ADGRL2: variants seen among roughly 807,000 people sequenced by gnomAD.
ADGRL2 encodes calcium-independent alpha-latrotoxin receptor 2.
In ADGRL2, 44 loss-of-function variants were observed where a neutral mutation model predicts 157.4. The ratio of observed to expected loss-of-function variants is 0.28; its 90% CI spans 0.22 to 0.36. The LOEUF (loss-of-function observed/expected upper bound fraction) is 0.36, where lower values mean the gene tolerates loss of function less well. Among genes scored for constraint, ADGRL2 ranks in the 10% least tolerant of loss-of-function variants. ADGRL2 has a pLI of 1.00. For synonymous variants in ADGRL2, 585 were observed against 624.7 expected, an observed-to-expected ratio of 0.94 and a Z score of 0.95; for missense variants, 1,510 against 1,768.9, an observed-to-expected ratio of 0.85 and a Z score of 2.63.
intron 1 of ADGRL2, among the ~76,000 whole-genome samples, chr1:81,817,477 C>A (rs2090529961): frequency 6.6e-6 from 1 of 151,810 alleles, no homozygotes; most frequent in East Asian, 1.9e-4. Context: ...AAATAATACA[C>A]ATTTTTTTAA....
At chr1:81,630,509 T>C (rs1222133943) in intron 3 of ADGRL2, among the ~76,000 whole-genome samples, 1 of 152,168 alleles carries the variant, frequency 6.6e-6, no homozygotes, top group African/African-American at 2.4e-5. Flanking sequence ...ATACATATGA[T>C]AGAAGCCTTT....
intron 3 of ADGRL2, among the ~76,000 whole-genome samples, chr1:81,653,266 A>G (rs910553233): frequency 1.4e-4 from 21 of 151,496 alleles, no homozygotes; most frequent in African/African-American, 5.1e-4. Flanking sequence ...TCTGTATTCC[A>G]TAGAATGATG....
rs766277937 is a variant in ADGRL2, at chr1:81,836,988, G to T, written c.4G>T (p.Val2Leu). Residue 2 changes from valine to leucine, a missense_variant, in exon 2 of 24, where the codon GTG becomes TTG. This residue lies in a region of ADGRL2 where 361 missense variants were observed against 498.4 expected (regional missense o/e 0.72). Coordinates refer to ENST00000686636, the MANE Select transcript of ADGRL2 (RefSeq NM_001366006.2). ...AAAATACTTAAAGGGATCAATAATGGTGTCTTCTGGTTGCAGAATGCGAAG... is the reference window on the plus strand; with the variant it reads ...AAAATACTTAAAGGGATCAATAATGTTGTCTTCTGGTTGCAGAATGCGAAG... M[V>L]SSGCRMRSLW... 2 of 1,580,652 alleles carry T rather than the reference G, an allele frequency of 1.3e-6. No homozygotes were observed. The highest frequency in any genetic ancestry group is 1.7e-6 in the Non-Finnish European group (2 of 1,162,606).
At chr1:81,540,677 T>G (rs1410867823) in intron 2 of ADGRL2, among the ~76,000 whole-genome samples, 2 of 151,756 alleles carry the variant, frequency 1.3e-5, no homozygotes, top group Non-Finnish European at 2.9e-5. Context: ...AAATAAAAAA[T>G]AAACACGGGC....
chr1:81,365,578 C>A (rs529508506), intron 1 of ADGRL2, among the ~76,000 whole-genome samples: 1 of 152,052 alleles, frequency 6.6e-6, no homozygotes, highest in Non-Finnish European at 1.5e-5. Context: ...ATAAGTGAGA[C>A]GACAGTTTTG....
chr1:81,658,899 C>G (rs2082592446), intron 3 of ADGRL2, among the ~76,000 whole-genome samples: 1 of 151,394 alleles, frequency 6.6e-6, no homozygotes, highest in Non-Finnish European at 1.5e-5. Flanking sequence ...TTACAGGCGC[C>G]TGACAACATG....
chr1:81,834,646 T>C (rs1353218729), intron 1 of ADGRL2, among the ~76,000 whole-genome samples: 1 of 152,166 alleles, frequency 6.6e-6, no homozygotes, highest in Non-Finnish European at 1.5e-5. Context: ...ATAATTTTAT[T>C]TGATGTAAAA....
chr1:81,419,998 A>G (rs192295718), intron 1 of ADGRL2, among the ~76,000 whole-genome samples: 1 of 152,336 alleles, frequency 6.6e-6, no homozygotes, highest in Non-Finnish European at 1.5e-5. Flanking sequence ...CAAGCTTGTA[A>G]TTGTAATGAA....
At chr1:81,722,290 C>CT in intron 1 of ADGRL2, 2 of 508,706 alleles carry the variant, frequency 3.9e-6, no homozygotes, top group Non-Finnish European at 7.2e-6. Context: ...GAGACTCCGT[C>CT]TAAAAAAAAA....
chr1:81,676,440 G>C (rs2082991424), intron 3 of ADGRL2, among the ~76,000 whole-genome samples: 1 of 152,096 alleles, frequency 6.6e-6, no homozygotes, highest in Non-Finnish European at 1.5e-5. Flanking sequence ...TAGGACTACA[G>C]GAACACAGCA....
rs1210024172 is a variant in ADGRL2 at position 81,501,812 on chromosome 1, C to T, written c.-248+56723C>T. 2.5e-6 allele frequency: 4 copies of T among 1,603,230 alleles called. No individual in the cohort carries two copies. The Admixed American group carries it at 6.8e-5, about 27-fold the overall frequency. On this transcript the variant is annotated intron_variant, in intron 2 of 24. Transcript: ENST00000370721. ...GCAGCAGCAGCAGCAGCAGCAGCAA[C>T]AGCAGCAGCAACAGAAGCAGCCACA...
At chr1:81,805,848 A>ATTAGTGAT (rs2089058149) in intron 1 of ADGRL2, among the ~76,000 whole-genome samples, 1 of 152,068 alleles carries the variant, frequency 6.6e-6, no homozygotes, top group Non-Finnish European at 1.5e-5. Context: ...CTTTACAGCT[A>ATTAGTGAT]TTAGTGATAA....
chr1:81,464,125 A>G (rs2078000013), intron 2 of ADGRL2, among the ~76,000 whole-genome samples: 1 of 152,180 alleles, frequency 6.6e-6, no homozygotes, highest in Non-Finnish European at 1.5e-5. Context: ...TTATCGTCTC[A>G]AGTGGAAACT....
chr1:81,737,131 G>C (rs1388212771), intron 1 of ADGRL2, among the ~76,000 whole-genome samples: 1 of 152,114 alleles, frequency 6.6e-6, no homozygotes, highest in Admixed American at 6.6e-5. Context: ...ACCATGCCCG[G>C]CCAACTCCCT....
At position 81,734,781 on chromosome 1, in the gene ADGRL2, C is replaced by G. The variant is rs368798839; in HGVS notation, c.-142-27030C>G. 1.3e-4 allele frequency among the ~76,000 whole-genome samples: 19 copies of G among 149,368 alleles called. No individual in the cohort carries two copies. In the South Asian group the frequency reaches 3.9e-3, roughly 31 times the overall value. ...GGCCATGGTGGCTCACACCTGTAAT[C>G]CCAGCACTTTGGGAGGCCGAAGTGG... On this transcript the variant is annotated intron_variant, in intron 1 of 20. Coordinates refer to the ADGRL2 transcript ENST00000359929.
chr1:81,635,382 G>A (rs1007841638), intron 3 of ADGRL2, among the ~76,000 whole-genome samples: 2 of 152,124 alleles, frequency 1.3e-5, no homozygotes, highest in South Asian at 2.1e-4. Flanking sequence ...CTCTGCCTTC[G>A]ACTTAGAAAG....
chr1:81,389,964 CT>C (rs2076504099), intron 1 of ADGRL2, among the ~76,000 whole-genome samples: 1 of 152,096 alleles, frequency 6.6e-6, no homozygotes, highest in Non-Finnish European at 1.5e-5. Context: ...CTTGTTTAAG[CT>C]TGAATAAATC....
chr1:81,739,171 G>A (rs2084994123), intron 1 of ADGRL2, among the ~76,000 whole-genome samples: 1 of 152,138 alleles, frequency 6.6e-6, no homozygotes, highest in South Asian at 2.1e-4. Context: ...AATTAATTAA[G>A]TCAGTTATCC....
intron 1 of ADGRL2, among the ~76,000 whole-genome samples, chr1:81,393,642 G>A (rs1003412281): frequency 6.6e-6 from 1 of 152,108 alleles, no homozygotes; most frequent in African/African-American, 2.4e-5. Context: ...CAAGAGGTAG[G>A]AGGATGCTAC....
Sources: allele counts gnomAD v4.1 joint callset (sites outside exome capture counted in the v4.1 genomes callset), GRCh38; gene constraint gnomAD v4.1.1; regional missense constraint gnomAD v4.1.1; transcripts MANE v1.5; gene names NCBI Gene and HGNC (gene_info 2026-07-23, HGNC 2026-07-21).